ANKRD30BL: variants seen among roughly 807,000 people sequenced by gnomAD.
The protein encoded by ANKRD30BL is ankyrin repeat domain 30B like, also known as putative ankyrin repeat domain-containing protein 30B-like.
A neutral mutation model predicts 18.4 loss-of-function variants in ANKRD30BL; 20 were observed. That is an observed-to-expected ratio of 1.09 (90% CI 0.77 to 1.58). ANKRD30BL has a LOEUF of 1.58. Ranked by LOEUF, ANKRD30BL falls within the 40% of genes most tolerant of loss-of-function variation. The pLI is 0.00. For synonymous variants in ANKRD30BL, 72 were observed against 100.9 expected (o/e 0.71, Z 1.72); for missense variants, 224 against 268.6 (o/e 0.83, Z 1.16).
In ANKRD30BL at chr2:132,205,493, C is replaced by T. The variant is rs984464364; in HGVS notation, n.442-48347G>A. Reference sequence around the variant, plus strand: ...GCACATGCTTGTAATCGCAGCTACTCGGGAGGCTGAGGCAGGAGAGTCTCT... The same window carrying T: ...GCACATGCTTGTAATCGCAGCTACTTGGGAGGCTGAGGCAGGAGAGTCTCT... On this transcript the variant is annotated intron_variant and non_coding_transcript_variant, in intron 1 of 4. Transcript: ENST00000470729. Among the ~76,000 whole-genome samples, 10 of 151,370 alleles carry T rather than the reference C, an allele frequency of 6.6e-5. No homozygotes were observed. The East Asian group carries it at 1.4e-3, about 21-fold the overall frequency.
chr2:132,193,826 T>C (rs1200387548), intron 1 of ANKRD30BL, among the ~76,000 whole-genome samples: 1 of 151,408 alleles, frequency 6.6e-6, no homozygotes, highest in Non-Finnish European at 1.5e-5. Flanking sequence ...CTTCTCAGGT[T>C]TTCCTGTGCT....
intron 1 of ANKRD30BL, among the ~76,000 whole-genome samples, chr2:132,215,827 T>C (rs1679482865): frequency 6.6e-6 from 1 of 152,168 alleles, no homozygotes. Context: ...AAGTGGACAT[T>C]TGGAGTGATT....
chr2:132,256,658 CCCTCTTCCCTGCACACACTGCTGGCCGA>C (rs1459966722), intron 1 of ANKRD30BL, among the ~76,000 whole-genome samples: 1 of 152,228 alleles, frequency 6.6e-6, no homozygotes, highest in Non-Finnish European at 1.5e-5. Context: ...GCCCCCTGAA[CCCTCTTCCCTGCACACACTGCTGGCCGA>C]CCCCAAACCC....
chr2:132,170,126 C>G (rs189677272), intron 1 of ANKRD30BL, among the ~76,000 whole-genome samples: 14 of 152,182 alleles, frequency 9.2e-5, no homozygotes, highest in Admixed American at 6.5e-5. Context: ...CAAACCCTGT[C>G]TAATTTCTAT....
At chr2:132,254,369 C>A (rs893006923) in intron 1 of ANKRD30BL, among the ~76,000 whole-genome samples, 2 of 152,214 alleles carry the variant, frequency 1.3e-5, no homozygotes, top group African/African-American at 4.8e-5. Context: ...CGCAGGTTCA[C>A]CTACCGAAAC....
chr2:132,231,240 G>A (rs905654730), intron 1 of ANKRD30BL, among the ~76,000 whole-genome samples: 1 of 152,120 alleles, frequency 6.6e-6, no homozygotes, highest in African/African-American at 2.4e-5. Flanking sequence ...TTCTTTGATA[G>A]AGCAGTTTTG....
intron 1 of ANKRD30BL, among the ~76,000 whole-genome samples, chr2:132,215,415 C>T (rs1679472976): frequency 6.6e-6 from 1 of 152,222 alleles, no homozygotes; most frequent in South Asian, 2.1e-4. Context: ...GCATTCATCT[C>T]ACAGAGTTGA....
intron 1 of ANKRD30BL, among the ~76,000 whole-genome samples, chr2:132,195,810 AAAG>A (rs1411990756): frequency 1.1e-4 from 17 of 147,984 alleles, no homozygotes; most frequent in Non-Finnish European, 2.2e-4. Flanking sequence ...AAAAAAAAAA[AAAG>A]AATAAAATTC....
chr2:132,209,662 C>T (rs983839111), intron 1 of ANKRD30BL, among the ~76,000 whole-genome samples: 18 of 151,690 alleles, frequency 1.2e-4, no homozygotes, highest in African/African-American at 4.1e-4. Flanking sequence ...CAGTTTGGGG[C>T]CTGTGGTAGA....
Position 132,167,878 on chromosome 2 carries a change from C to G in ANKRD30BL, n.442-10732G>C, listed in dbSNP as rs190809153. On this transcript the variant is annotated intron_variant and non_coding_transcript_variant, in intron 1 of 4. Coordinates refer to the ANKRD30BL transcript ENST00000470729. ...TACTACCAGATTGTACCTCCTGTACCTTATGACATTGCTATTGTTCATTTC... is the reference window on the plus strand; with the variant it reads ...TACTACCAGATTGTACCTCCTGTACGTTATGACATTGCTATTGTTCATTTC... Among the ~76,000 whole-genome samples the G allele has an allele frequency of 1.7e-3, 261 of 152,266 alleles. 4 individuals are homozygous for G. The highest frequency in any genetic ancestry group is 2.3e-3 in the Non-Finnish European group (157 of 68,020).
intron 1 of ANKRD30BL, among the ~76,000 whole-genome samples, chr2:132,233,591 G>A (rs1484966358): frequency 6.6e-6 from 1 of 150,842 alleles, no homozygotes; most frequent in Non-Finnish European, 1.5e-5. Flanking sequence ...GACAAAGAAG[G>A]CCATTACATA....
At chr2:132,171,156 A>C (rs1208062677) in intron 1 of ANKRD30BL, among the ~76,000 whole-genome samples, 1 of 149,472 alleles carries the variant, frequency 6.7e-6, no homozygotes, top group East Asian at 2.0e-4. Flanking sequence ...CTCTGTCTCA[A>C]AAAAAAAAAA....
intron 1 of ANKRD30BL, among the ~76,000 whole-genome samples, chr2:132,201,631 G>C (rs916099129): frequency 6.6e-6 from 1 of 152,142 alleles, no homozygotes; most frequent in Non-Finnish European, 1.5e-5. Flanking sequence ...TCATTAAAAA[G>C]TCAGGAAACA....
intron 1 of ANKRD30BL, among the ~76,000 whole-genome samples, chr2:132,187,172 G>GTTTTT (rs1407000925): frequency 5.0e-5 from 4 of 80,256 alleles, no homozygotes; most frequent in African/African-American, 8.6e-5. Flanking sequence ...GAAGTTTTTT[G>GTTTTT]TTTTTTTTTT....
chr2:132,164,820 C>T (rs1158872161), upstream of ANKRD30BL, among the ~76,000 whole-genome samples: 12 of 152,056 alleles, frequency 7.9e-5, no homozygotes, highest in East Asian at 2.3e-3. Context: ...GCCTGTAATC[C>T]CAGCACTTTG....
chr2:132,252,472 G>A (rs530876045), intron 1 of ANKRD30BL, among the ~76,000 whole-genome samples: 266 of 147,274 alleles, frequency 1.8e-3, no homozygotes, highest in South Asian at 4.1e-3. Flanking sequence ...ATGGCCATGA[G>A]CACTGCCAGA....
intron 1 of ANKRD30BL, among the ~76,000 whole-genome samples, chr2:132,221,648 GT>G (rs757091493): frequency 0.053 from 5,601 of 106,242 alleles, 429 homozygotes; most frequent in African/African-American, 0.17. Flanking sequence ...GAGGTGGGGG[GT>G]TCAGCCCCCC....
chr2:132,154,682 A>C lies in ANKRD30BL; in HGVS notation c.594T>G (p.Asn198Lys), dbSNP rs764978553. 1.4e-6 allele frequency: 1 copy of C among 724,398 alleles called. No homozygotes were observed. The highest frequency in any genetic ancestry group is 2.6e-6 in the Non-Finnish European group (1 of 388,182). The allele number at this position is 724,398 out of a possible 1,614,324, so 44.9% of individuals were successfully genotyped here. A position where few individuals can be genotyped will look rare whatever the true frequency, so the allele number is the denominator to read the frequency against. The change falls in exon 4 of 6, where the codon AAT becomes AAG. Residue 198 changes from asparagine to lysine, a missense_variant. Transcript: ENST00000409867. ...TATACCATTTAAACTTATCAACTGCATTTGCATTTGCATTTTTTGTCAGTA... is the reference window on the plus strand; with the variant it reads ...TATACCATTTAAACTTATCAACTGCCTTTGCATTTGCATTTTTTGTCAGTA... ...EFLLTKNANA[N>K]AVDKFKCVHQ...
chr2:132,169,125 T>C (rs1288384441), intron 1 of ANKRD30BL, among the ~76,000 whole-genome samples: 1 of 152,120 alleles, frequency 6.6e-6, no homozygotes, highest in East Asian at 1.9e-4. Context: ...TTCCAAAAAG[T>C]AAATATTTTC....
Sources: allele counts gnomAD v4.1 joint callset (sites outside exome capture counted in the v4.1 genomes callset), GRCh38; gene constraint gnomAD v4.1.1; transcripts MANE v1.5; gene names NCBI Gene and HGNC (gene_info 2026-07-23, HGNC 2026-07-21).